FLNB: variants seen among roughly 807,000 people sequenced by gnomAD.
FLNB encodes filamin B.
FLNB carries 111 observed loss-of-function variants against 250.6 expected under a neutral mutation model. The observed-to-expected ratio is 0.44, with a 90% CI of 0.38 to 0.52. The LOEUF is 0.52. Among genes scored for constraint, FLNB ranks in the 20% least tolerant of loss-of-function variants. FLNB has a pLI of 0.00. For synonymous variants in FLNB, 1,302 were observed against 1,372.1 expected, an observed-to-expected ratio of 0.95 and a Z score of 1.13; for missense variants, 2,869 against 3,447.8, an observed-to-expected ratio of 0.83 and a Z score of 4.20.
intron 35 of FLNB, 22 bp from the exon 36 acceptor site, chr3:58,148,627 C>A: frequency 6.2e-7 from 1 of 1,603,906 alleles, no homozygotes. Flanking sequence ...CCTTACAAGC[C>A]CCAATCTGTG....
chr3:58,107,012 T>A (rs2097260838), intron 12 of FLNB, 139 bp downstream of exon 12: 2 of 621,458 alleles, frequency 3.2e-6, no homozygotes, highest in Non-Finnish European at 5.8e-6. Context: ...CAGGCCTGCA[T>A]TTGTTTGTTT....
intron 38 of FLNB, chr3:58,150,508 T>C (rs1384526438): frequency 8.3e-6 from 4 of 479,610 alleles, no homozygotes; most frequent in African/African-American, 7.8e-5. Context: ...TTTAGATTTT[T>C]AGATTAACTA....
At chr3:58,044,798 G>C (rs542743253) in intron 1 of FLNB, among the ~76,000 whole-genome samples, 1 of 152,104 alleles carries the variant, frequency 6.6e-6, no homozygotes, top group Non-Finnish European at 1.5e-5. Context: ...CTCCAGTGTG[G>C]GCCCTTCCTT....
chr3:58,118,127 G>T (rs957729273), intron 18 of FLNB, among the ~76,000 whole-genome samples: 1 of 152,238 alleles, frequency 6.6e-6, no homozygotes, highest in South Asian at 2.1e-4. Context: ...CGAGAGGAGA[G>T]AAATGGCGCA....
chr3:58,026,620 A>G (rs6804247), intron 1 of FLNB, among the ~76,000 whole-genome samples: 1,754 of 152,230 alleles, frequency 0.012, 37 homozygotes, highest in African/African-American at 0.04. Context: ...GTTGGGGGCC[A>G]GTATTTTCGG....
intron 4 of FLNB, among the ~76,000 whole-genome samples, chr3:58,088,940 G>A (rs1229237854): frequency 2.0e-5 from 3 of 152,074 alleles, no homozygotes; most frequent in Admixed American, 1.3e-4. Context: ...CCAATCTTGA[G>A]CATCAGTCGA....
chr3:58,078,337 A>G, intron 2 of FLNB: 1 of 1,450,044 alleles, frequency 6.9e-7, no homozygotes, highest in Non-Finnish European at 9.0e-7. Context: ...GGATTTTTGA[A>G]TCACACAGGA....
chr3:58,041,472 G>A (rs1658335), intron 1 of FLNB, among the ~76,000 whole-genome samples: 31,760 of 151,806 alleles, frequency 0.21, 4,850 homozygotes, highest in East Asian at 0.49. Context: ...TGGTGAGGAG[G>A]TTGTGGCTGG....
intron 1 of FLNB, among the ~76,000 whole-genome samples, chr3:58,074,612 C>T (rs763904742): frequency 1.3e-5 from 2 of 152,126 alleles, no homozygotes; most frequent in Admixed American, 6.5e-5. Flanking sequence ...CAAGAAAACA[C>T]GGTGAATTTG....
rs1286011074 is a variant in FLNB at position 58,169,974 on chromosome 3, C to T, written c.7621+181C>T. Among the ~76,000 whole-genome samples, 1 of 152,196 alleles carries T rather than the reference C, an allele frequency of 6.6e-6. No homozygotes were observed. Among genetic ancestry groups the T allele is most frequent in the Non-Finnish European group, 1.5e-5 (1 of 68,028 alleles). On this transcript the variant is annotated intron_variant, in intron 45 of 45. Coordinates refer to ENST00000295956, the MANE Select transcript of FLNB (RefSeq NM_001457.4). This position sits in a 1 kb window ranked among gnomAD's most constrained non-coding sequence, Gnocchi z 4.8. ...CTTAATATTTTTAAATGATTTCCTT[C>T]TCTTTTGCCTTTTGAACTTGGGTAT...
chr3:58,083,290 A>C (rs1313835248), intron 4 of FLNB, among the ~76,000 whole-genome samples: 1 of 140,806 alleles, frequency 7.1e-6, no homozygotes, highest in Non-Finnish European at 1.5e-5. Flanking sequence ...AGTTAAGGGC[A>C]TGTGTCTTGT....
intron 1 of FLNB, among the ~76,000 whole-genome samples, chr3:58,053,184 C>T (rs950151826): frequency 1.3e-5 from 2 of 152,100 alleles, no homozygotes; most frequent in African/African-American, 2.4e-5. Flanking sequence ...TACAGTCTAG[C>T]CCTTAAAAAA....
intron 38 of FLNB, among the ~76,000 whole-genome samples, chr3:58,151,626 G>T (rs1463318657): frequency 6.6e-6 from 1 of 152,166 alleles, no homozygotes; most frequent in African/African-American, 2.4e-5. Context: ...TCAAAAAATA[G>T]ACATCCACAT....
chr3:58,130,626 C>A, intron 24 of FLNB, 115 bp from the exon 25 acceptor site: 1 of 982,946 alleles, frequency 1.0e-6, no homozygotes, highest in Non-Finnish European at 1.6e-6. Flanking sequence ...GCAGGGGGAG[C>A]TGACCGAGGC....
chr3:58,095,842 A>G (rs771622860), intron 5 of FLNB, among the ~76,000 whole-genome samples: 23 of 152,158 alleles, frequency 1.5e-4, no homozygotes, highest in African/African-American at 2.2e-4. Flanking sequence ...TAAGCTTTCA[A>G]TGAACTATTG....
At chr3:58,087,936 C>T (rs146895609) in intron 4 of FLNB, among the ~76,000 whole-genome samples, 4,965 of 151,596 alleles carry the variant, frequency 0.033, 263 homozygotes, top group African/African-American at 0.11. Context: ...GACAAGGTTA[C>T]ACCATGTTGG....
At chr3:58,127,595 T>TGG (rs2107191746) in intron 24 of FLNB, among the ~76,000 whole-genome samples, 1 of 152,336 alleles carries the variant, frequency 6.6e-6, no homozygotes, top group South Asian at 2.1e-4. Flanking sequence ...TCAGCATCCC[T>TGG]GCCCTGTACC....
chr3:58,012,337 T>C (rs1316324618), intron 1 of FLNB, among the ~76,000 whole-genome samples: 1 of 152,148 alleles, frequency 6.6e-6, no homozygotes, highest in African/African-American at 2.4e-5. Context: ...ATGGTTAGTA[T>C]TATTATCTTT....
chr3:58,042,260 G>T (rs1157767285), intron 1 of FLNB, among the ~76,000 whole-genome samples: 1 of 151,542 alleles, frequency 6.6e-6, no homozygotes, highest in African/African-American at 2.4e-5. Flanking sequence ...GTAAACTTTA[G>T]ATTTGCATTA....
Sources: gnomAD v4.1 joint callset for allele counts (sites outside exome capture counted in the v4.1 genomes callset) on GRCh38, gnomAD v4.1.1 for gene constraint, Gnocchi (gnomAD v3.1) non-coding constraint, MANE v1.5 for transcripts, NCBI Gene and HGNC (gene_info 2026-07-23, HGNC 2026-07-21) for gene names.